NRXN1: variants seen among roughly 807,000 people sequenced by gnomAD.
NRXN1 encodes the protein neurexin 1.
NRXN1 carries 39 observed loss-of-function variants against 150.9 expected under a neutral mutation model. The observed-to-expected ratio is 0.26, with a 90% CI of 0.20 to 0.34. NRXN1 has a LOEUF of 0.34. Among genes scored for constraint, NRXN1 ranks in the 10% least tolerant of loss-of-function variants. NRXN1 has a pLI of 1.00. For missense variants in NRXN1, 1,815 were observed against 1,949.9 expected, an observed-to-expected ratio of 0.93 and a Z score of 1.30; for synonymous variants, 924 against 757.0, an observed-to-expected ratio of 1.22 and a Z score of -3.62.
At chr2:50,209,312 G>T (rs537557019) in intron 18 of NRXN1, among the ~76,000 whole-genome samples, 5 of 152,118 alleles carry the variant, frequency 3.3e-5, no homozygotes, top group African/African-American at 1.2e-4. Flanking sequence ...ATGCCAGAGA[G>T]TCTAATTCAA....
intron 21 of NRXN1, among the ~76,000 whole-genome samples, chr2:49,982,493 A>G (rs536959620): frequency 3.0e-4 from 46 of 152,060 alleles, no homozygotes; most frequent in African/African-American, 1.1e-3. Context: ...AACACACAAA[A>G]TCCCACCACC....
intron 5 of NRXN1, among the ~76,000 whole-genome samples, chr2:50,802,435 T>G (rs756582328): frequency 6.7e-6 from 1 of 150,240 alleles, no homozygotes; most frequent in African/African-American, 2.5e-5. Context: ...GAGGTTGCAG[T>G]GAGCTGAGAT....
chr2:50,995,519 C>T lies in NRXN1; in HGVS notation c.772+31983G>A, dbSNP rs969438676. Among the ~76,000 whole-genome samples the T allele has an allele frequency of 8.0e-5, 12 of 150,820 alleles. 2 individuals are homozygous for T. In the South Asian group the frequency reaches 1.7e-3, roughly 21 times the overall value. On this transcript the variant is annotated intron_variant, in intron 2 of 22. Transcript: ENST00000401669. ...ACTGTGGAGCCTGAGGCAGGAAAAT[C>T]GCATGAACCTGGGAGGCAGAGGTTG...
Position 50,974,658 on chromosome 2 carries a change from G to A in NRXN1, c.773-48703C>T, listed in dbSNP as rs184748791. On this transcript the variant is annotated intron_variant, in intron 2 of 22. Coordinates refer to ENST00000401669, the MANE Select transcript of NRXN1 (RefSeq NM_001330078.2). Reference sequence around the variant, plus strand: ...TACTAAGGCCCTCAATGTAATTCCTGGGTAGCTTTTATCCCTATCTGTTTT... The same window carrying A: ...TACTAAGGCCCTCAATGTAATTCCTAGGTAGCTTTTATCCCTATCTGTTTT... 3.9e-5 allele frequency among the ~76,000 whole-genome samples: 6 copies of A among 151,916 alleles called. No individual in the cohort carries two copies. The East Asian group carries it at 9.7e-4, about 25-fold the overall frequency.
At chr2:50,431,674 A>G (rs1333169026) in intron 17 of NRXN1, among the ~76,000 whole-genome samples, 4 of 152,336 alleles carry the variant, frequency 2.6e-5, no homozygotes, top group Admixed American at 2.6e-4. Context: ...TAACACAGCC[A>G]TAGTACTCTT....
intron 5 of NRXN1, among the ~76,000 whole-genome samples, chr2:50,691,901 C>T (rs1248108703): frequency 1.3e-5 from 2 of 152,130 alleles, no homozygotes; most frequent in Non-Finnish European, 2.9e-5. Context: ...CTGTGAAGTC[C>T]TTTCAAATAT....
intron 18 of NRXN1, among the ~76,000 whole-genome samples, chr2:50,180,251 C>A (rs2060621814): frequency 6.6e-6 from 1 of 152,122 alleles, no homozygotes; most frequent in South Asian, 2.1e-4. Context: ...TCTTGAACTC[C>A]TGACTTCAAG....
chr2:50,872,959 C>T (rs79165826), intron 5 of NRXN1, among the ~76,000 whole-genome samples: 7,537 of 151,762 alleles, frequency 0.05, 233 homozygotes, highest in East Asian at 0.07. Flanking sequence ...TATGATTGTA[C>T]CACTATACTC....
intron 16 of NRXN1, 95 bp downstream of exon 16, chr2:50,472,203 A>G (rs1452238977): frequency 4.6e-6 from 5 of 1,082,688 alleles, no homozygotes; most frequent in Non-Finnish European, 5.0e-6. Context: ...TGGGTATTTG[A>G]CCAGTTATCA....
chr2:50,934,851 T>G (rs879851592), intron 2 of NRXN1, among the ~76,000 whole-genome samples: 3 of 152,224 alleles, frequency 2.0e-5, no homozygotes, highest in African/African-American at 4.8e-5. Context: ...GATAAAAATT[T>G]TATTGTATTC....
At chr2:50,407,357 T>C (rs745444050) in intron 17 of NRXN1, among the ~76,000 whole-genome samples, 21 of 152,158 alleles carry the variant, frequency 1.4e-4, no homozygotes, top group Non-Finnish European at 2.4e-4. Context: ...CAGCTTCCCA[T>C]AGGCAATGAT....
chr2:50,230,810 G>C (rs2064870240), intron 18 of NRXN1, among the ~76,000 whole-genome samples: 3 of 151,978 alleles, frequency 2.0e-5, no homozygotes, highest in Admixed American at 6.6e-5. Flanking sequence ...AATCTGTATT[G>C]ATTCATTTAC....
At chr2:50,468,989 G>C (rs1405619011) in intron 16 of NRXN1, among the ~76,000 whole-genome samples, 1 of 151,580 alleles carries the variant, frequency 6.6e-6, no homozygotes, top group Admixed American at 6.6e-5. Context: ...TTTATGTAGA[G>C]ATATTATCTT....
chr2:50,159,093 T>TTGC (rs2059210584), intron 18 of NRXN1, among the ~76,000 whole-genome samples: 1 of 152,028 alleles, frequency 6.6e-6, no homozygotes, highest in Admixed American at 6.6e-5. Context: ...GTTGTTGTTG[T>TTGC]TGTTGTTTTA....
chr2:50,497,954 T>A (rs1371059140), intron 13 of NRXN1, among the ~76,000 whole-genome samples: 1 of 151,850 alleles, frequency 6.6e-6, no homozygotes, highest in Non-Finnish European at 1.5e-5. Flanking sequence ...AATATCCTCA[T>A]TAACAAAAGT....
chr2:50,655,482 C>A (rs1039711101), intron 5 of NRXN1, among the ~76,000 whole-genome samples: 2 of 151,948 alleles, frequency 1.3e-5, no homozygotes, highest in Non-Finnish European at 1.5e-5. Context: ...TCCAATCTGA[C>A]AAGGTTGCTG....
chr2:50,008,565 T>C (rs1388796082), intron 21 of NRXN1, among the ~76,000 whole-genome samples: 1 of 151,582 alleles, frequency 6.6e-6, no homozygotes, highest in South Asian at 2.1e-4. Flanking sequence ...TGGCATCTTA[T>C]GGTTCTTTTT....
At chr2:50,233,380 G>A (rs2152874905) in intron 18 of NRXN1, among the ~76,000 whole-genome samples, 1 of 152,064 alleles carries the variant, frequency 6.6e-6, no homozygotes, top group African/African-American at 2.4e-5. Flanking sequence ...ATGTTTTTAA[G>A]AGTACAGTTA....
At chr2:50,508,612 C>T (rs1318969254) in intron 12 of NRXN1, among the ~76,000 whole-genome samples, 2 of 151,518 alleles carry the variant, frequency 1.3e-5, no homozygotes, top group Admixed American at 1.3e-4. Context: ...AGCTTCACTT[C>T]TATTCTTTTC....
Sources: allele counts gnomAD v4.1 joint callset (sites outside exome capture counted in the v4.1 genomes callset), GRCh38; gene constraint gnomAD v4.1.1; transcripts MANE v1.5; gene names NCBI Gene and HGNC (gene_info 2026-07-23, HGNC 2026-07-21).